ARHGAP24: variants seen among roughly 807,000 people sequenced by gnomAD.
ARHGAP24 encodes the protein Rho GTPase activating protein 24.
Under a neutral mutation model 76.4 loss-of-function variants are expected in ARHGAP24, and 50 were observed. The ratio of observed to expected loss-of-function variants is 0.65; its 90% CI spans 0.52 to 0.83. ARHGAP24 has a LOEUF of 0.83. Ranked by LOEUF, ARHGAP24 falls within the 40% of genes least tolerant of loss-of-function variation. ARHGAP24 has a pLI of 0.00. For missense variants in ARHGAP24, 930 were observed against 914.2 expected (o/e 1.02, Z -0.22); for synonymous variants, 345 against 323.3 (o/e 1.07, Z -0.72).
chr4:85,898,100 A>G (rs909525747), intron 3 of ARHGAP24, among the ~76,000 whole-genome samples: 6 of 148,976 alleles, frequency 4.0e-5, no homozygotes, highest in African/African-American at 1.5e-4. Context: ...TGGGGAGGGG[A>G]GACTTTGGAA....
In ARHGAP24 at chr4:86,000,585, G is replaced by A; in HGVS notation, c.2110G>A (p.Ala704Thr). The change falls in exon 10 of 10, where the codon GCC becomes ACC. Residue 704 changes from alanine (A) to threonine (T), a missense_variant. Ala to Thr is a moderately conservative substitution (Grantham distance 58, BLOSUM62 0). Transcript: ENST00000395184. The part of the protein sequence containing the change: ...FTMIEIKMRN[A>T]ERAKEDAEKR... ...AATGATAGAAATAAAAATGCGAAAT[G>A]CCGAGCGAGCAAAAGAAGATGCCGA... The A allele has an allele frequency of 3.1e-6, 5 of 1,613,224 alleles. No homozygotes were observed. Among genetic ancestry groups the A allele is most frequent in the Non-Finnish European group, 4.2e-6 (5 of 1,179,610 alleles).
At chr4:85,898,006 C>T (rs941086766) in intron 3 of ARHGAP24, among the ~76,000 whole-genome samples, 1 of 134,174 alleles carries the variant, frequency 7.5e-6, no homozygotes, top group South Asian at 2.4e-4. Flanking sequence ...TATATATACA[C>T]ATATATATAT....
chr4:85,846,993 T>TG (rs1730931054), intron 3 of ARHGAP24, among the ~76,000 whole-genome samples: 1 of 152,196 alleles, frequency 6.6e-6, no homozygotes, highest in South Asian at 2.1e-4. Flanking sequence ...AGATCTTGAG[T>TG]GCCAACTGGT....
chr4:85,600,869 G>A (rs540438524), intron 2 of ARHGAP24, among the ~76,000 whole-genome samples: 1 of 152,122 alleles, frequency 6.6e-6, no homozygotes, highest in Admixed American at 6.6e-5. Flanking sequence ...AACGTTTTTC[G>A]TTTTGCTTTT....
At chr4:85,999,719 T>G (rs1740890995) in intron 9 of ARHGAP24, 1 of 152,124 alleles carries the variant, frequency 6.6e-6, no homozygotes, top group South Asian at 2.1e-4. Flanking sequence ...GAGAAAACAG[T>G]CTCTGTTTTT....
At chr4:85,656,095 C>G (rs913614959) in intron 2 of ARHGAP24, among the ~76,000 whole-genome samples, 4 of 151,966 alleles carry the variant, frequency 2.6e-5, no homozygotes, top group Admixed American at 6.6e-5. Flanking sequence ...CACTTATAAT[C>G]CTATATTCTT....
rs184676579 is a variant in ARHGAP24 at position 85,945,473 on chromosome 4, T to C, written c.599+3200T>C. On this transcript the variant is annotated intron_variant, in intron 5 of 9. Transcript: ENST00000395184. ...AACATTGTGCTTCTTAAAAGTTACA[T>C]ATGAAAAGGCCTGAGCGGGGTGGCT... Among the ~76,000 whole-genome samples, 29 of 152,148 alleles carry C rather than the reference T, an allele frequency of 1.9e-4. No individual in the cohort carries two copies. The East Asian group carries it at 5.6e-3, about 29-fold the overall frequency.
intron 3 of ARHGAP24, among the ~76,000 whole-genome samples, chr4:85,727,992 C>A (rs927740058): frequency 6.6e-6 from 1 of 151,530 alleles, no homozygotes. Flanking sequence ...TGATTTTTAT[C>A]TGCCTGGAAA....
chr4:85,605,520 TTAAA>T (rs1339032132), intron 2 of ARHGAP24, among the ~76,000 whole-genome samples: 6 of 152,312 alleles, frequency 3.9e-5, no homozygotes, highest in Admixed American at 2.6e-4. Context: ...ATGGGAATGA[TTAAA>T]TAGATTATCT....
intron 6 of ARHGAP24, among the ~76,000 whole-genome samples, chr4:85,972,757 G>C (rs949610190): frequency 6.6e-6 from 1 of 151,870 alleles, no homozygotes; most frequent in East Asian, 1.9e-4. Context: ...TTTTTCCCCA[G>C]CGCTTGGCAA....
chr4:85,721,682 T>A (rs1196466209), intron 2 of ARHGAP24, among the ~76,000 whole-genome samples: 3 of 152,190 alleles, frequency 2.0e-5, no homozygotes, highest in Non-Finnish European at 4.4e-5. Context: ...CTTATACATA[T>A]TAGATGCTCA....
intron 3 of ARHGAP24, among the ~76,000 whole-genome samples, chr4:85,820,736 T>C (rs10010051): frequency 0.24 from 37,048 of 152,062 alleles, 5,474 homozygotes; most frequent in East Asian, 0.68. Context: ...TGAATTGTTC[T>C]TCAACTTTGG....
intron 1 of ARHGAP24, among the ~76,000 whole-genome samples, chr4:85,558,378 C>A (rs1313522493): frequency 6.6e-6 from 1 of 152,104 alleles, no homozygotes; most frequent in East Asian, 1.9e-4. Context: ...TATTCAGGTG[C>A]AGTAAAGCTA....
intron 1 of ARHGAP24, among the ~76,000 whole-genome samples, chr4:85,553,064 A>C (rs1053405645): frequency 1.3e-5 from 2 of 152,092 alleles, no homozygotes; most frequent in African/African-American, 2.4e-5. Flanking sequence ...TTCAGGAGTG[A>C]AGCTGCAGAC....
At chr4:85,937,406 A>G (rs1030011578) in intron 4 of ARHGAP24, among the ~76,000 whole-genome samples, 3 of 152,220 alleles carry the variant, frequency 2.0e-5, no homozygotes, top group African/African-American at 7.2e-5. Flanking sequence ...ATATTGAGCT[A>G]TCCATATTGA....
chr4:85,586,040 C>T (rs761239039), intron 2 of ARHGAP24, among the ~76,000 whole-genome samples: 50 of 152,276 alleles, frequency 3.3e-4, no homozygotes, highest in Admixed American at 6.5e-4. Flanking sequence ...TTTCTCCATT[C>T]TCTCTCTCAG....
intron 2 of ARHGAP24, among the ~76,000 whole-genome samples, chr4:85,687,338 A>G (rs1298196113): frequency 6.6e-6 from 1 of 152,088 alleles, no homozygotes; most frequent in African/African-American, 2.4e-5. Flanking sequence ...GGTATATTAC[A>G]TGATGCTGGG....
At chr4:85,983,558 A>G (rs1739809584) in intron 8 of ARHGAP24, among the ~76,000 whole-genome samples, 1 of 152,256 alleles carries the variant, frequency 6.6e-6, no homozygotes, top group Non-Finnish European at 1.5e-5. Flanking sequence ...GGCAAAAGAC[A>G]TGAACAGACG....
At chr4:85,641,748 A>C (rs1578101239) in intron 2 of ARHGAP24, among the ~76,000 whole-genome samples, 1 of 152,318 alleles carries the variant, frequency 6.6e-6, no homozygotes, top group Admixed American at 6.5e-5. Context: ...ATTAGAAAGG[A>C]TACAGATAAA....
Sources: gnomAD v4.1 joint callset for allele counts (sites outside exome capture counted in the v4.1 genomes callset) on GRCh38, gnomAD v4.1.1 for gene constraint, MANE v1.5 for transcripts, NCBI Gene and HGNC (gene_info 2026-07-23, HGNC 2026-07-21) for gene names.